The following ZNF783 variants were observed in gnomAD, a reference collection of about 807,000 sequenced individuals.
ZNF783 encodes zinc finger protein 783, also known as protein ZNF783.
A neutral mutation model predicts 31.3 loss-of-function variants in ZNF783; 25 were observed. The ratio of observed to expected loss-of-function variants is 0.80; its 90% CI spans 0.58 to 1.11. The LOEUF (loss-of-function observed/expected upper bound fraction) is 1.11. Among genes scored for constraint, ZNF783 ranks in the 50% most tolerant of loss-of-function variants. ZNF783 has a pLI of 0.00. For synonymous variants in ZNF783, 369 were observed against 319.1 expected (o/e 1.16, Z -1.66); for missense variants, 797 against 760.0 (o/e 1.05, Z -0.57).
At chr7:149,272,625 G>A (rs1306127637) in intron 4 of ZNF783, among the ~76,000 whole-genome samples, 1 of 151,934 alleles carries the variant, frequency 6.6e-6, no homozygotes, top group African/African-American at 2.4e-5. Context: ...CATAGTAGGT[G>A]TGCATATTTA....
chr7:149,262,210 T>G lies in ZNF783; in HGVS notation c.-124T>G, dbSNP rs947363846. 2 of 911,222 alleles carry G rather than the reference T, an allele frequency of 2.2e-6. No individual in the cohort carries two copies. Among genetic ancestry groups the G allele is most frequent in the African/African-American group, 3.6e-5 (2 of 56,170 alleles). 56.4% of individuals were successfully genotyped at this position (911,222 alleles called of 1,614,324 possible). A position where few individuals can be genotyped will look rare whatever the true frequency, so the allele number is the denominator to read the frequency against. On this transcript the variant is annotated 5_prime_UTR_variant, in exon 1 of 6. Coordinates refer to ENST00000434415, the MANE Select transcript of ZNF783 (RefSeq NM_001195220.2). Reference sequence around the variant, plus strand: ...GCACGTGGCTCGGGACGCAGTTCGCTGCCGCCCGGCAGTAGCTCTCAGGTT... The same window carrying G: ...GCACGTGGCTCGGGACGCAGTTCGCGGCCGCCCGGCAGTAGCTCTCAGGTT...
In ZNF783 at chr7:149,283,972, G is replaced by C. The variant is rs1055780649; in HGVS notation, c.*1629G>C. The C allele has an allele frequency of 9.9e-5, 15 of 152,204 alleles. No individual in the cohort carries two copies. The highest frequency in any genetic ancestry group is 3.6e-4 in the African/African-American group (15 of 41,444). The allele number at this position is 152,204 out of a possible 1,614,324, so 9.4% of individuals were successfully genotyped here. ...GTGAAAGAGTCGCCCATGGGGCTCT[G>C]TTCCCCAGGAGTCCTTTGTATTTTG... is the stretch of plus-strand genomic sequence containing the variant. On this transcript the variant is annotated 3_prime_UTR_variant, in exon 6 of 6. Coordinates refer to ENST00000434415, the MANE Select transcript of ZNF783 (RefSeq NM_001195220.2).
chr7:149,262,771 G>A (rs553233473), intron 1 of ZNF783, among the ~76,000 whole-genome samples: 1 of 152,372 alleles, frequency 6.6e-6, no homozygotes, highest in East Asian at 1.9e-4. Context: ...CCAGGGTCAC[G>A]CATCTATTAG....
chr7:149,266,203 C>T (rs1052605545), intron 1 of ZNF783, 132 bp from the exon 2 acceptor site: 38 of 1,057,752 alleles, frequency 3.6e-5, no homozygotes, highest in Non-Finnish European at 4.5e-5. Context: ...CTCTCCCCCC[C>T]AGTCTGCTGC....
At chr7:149,276,397 T>G (rs1797329646) in intron 4 of ZNF783, 3 of 987,852 alleles carry the variant, frequency 3.0e-6, no homozygotes, top group Non-Finnish European at 3.6e-6. Flanking sequence ...ACTGAAATTT[T>G]TAGGATCTGC....
At chr7:149,275,317 C>CT (rs563040835) in intron 4 of ZNF783, among the ~76,000 whole-genome samples, 5,242 of 137,636 alleles carry the variant, frequency 0.038, 160 homozygotes, top group African/African-American at 0.085. Context: ...GTTTTTCTTT[C>CT]TTTTTTTTTT....
Position 149,282,317 on chromosome 7 carries a change from T to G in ZNF783, c.1615T>G (p.Trp539Gly). Reference sequence around the variant, plus strand: ...CCGCCACGGGAGCCTGCCCCTGCCCTGGCCCAGCCGGAAGGAGGAGGGCTG... The same window carrying G: ...CCGCCACGGGAGCCTGCCCCTGCCCGGGCCCAGCCGGAAGGAGGAGGGCTG... ...PARHGSLPLP[W>G]PSRKEEG is the part of the protein sequence containing the mutation. Residue 539 changes from tryptophan to glycine, a missense_variant, in exon 6 of 6, where the codon TGG becomes GGG. Trp to Gly is a radical substitution (Grantham distance 184, BLOSUM62 -2). Coordinates refer to ENST00000434415, the MANE Select transcript of ZNF783 (RefSeq NM_001195220.2). 2 of 1,546,380 alleles carry G rather than the reference T, an allele frequency of 1.3e-6. No individual in the cohort carries two copies. The highest frequency in any genetic ancestry group is 2.4e-5 in the South Asian group (2 of 83,922).
chr7:149,280,280 A>G (rs1242071907), intron 5 of ZNF783, among the ~76,000 whole-genome samples: 2 of 152,186 alleles, frequency 1.3e-5, no homozygotes, highest in South Asian at 4.1e-4. Context: ...ATTAAGCCAG[A>G]AGGAGAGTCT....
Position 149,281,867 on chromosome 7 carries a change from G to C in ZNF783, c.1165G>C (p.Asp389His). 1 of 1,500,926 alleles carries C rather than the reference G, an allele frequency of 6.7e-7. No homozygotes were observed. Among genetic ancestry groups the C allele is most frequent in the Non-Finnish European group, 8.8e-7 (1 of 1,133,726 alleles). 93.0% of individuals were successfully genotyped at this position (1,500,926 alleles called of 1,614,324 possible). A position where few individuals can be genotyped will look rare whatever the true frequency, so the allele number is the denominator to read the frequency against. The change falls in exon 6 of 6, where the codon GAC (aspartate) becomes CAC (histidine). Residue 389 changes from aspartate (D) to histidine (H), a missense_variant. By Grantham distance (81) the Asp-to-His change is moderately conservative. Coordinates refer to ENST00000434415, the MANE Select transcript of ZNF783 (RefSeq NM_001195220.2). ...APGRSPTSCG[D>H]SQAMLEPGEV... The stretch of plus-strand genomic sequence containing the variant: ...CGGCCGCTCGCCCACCAGCTGCGGG[G>C]ACAGCCAGGCCATGCTGGAGCCGGG...
intron 2 of ZNF783, 34 bp downstream of exon 2, chr7:149,266,764 G>A (rs377729887): frequency 8.1e-6 from 13 of 1,613,506 alleles, no homozygotes; most frequent in Admixed American, 3.3e-5. Context: ...GGGGGAGCTC[G>A]AGGGGCTGAG....
Position 149,282,044 on chromosome 7 carries a change from C to T in ZNF783, c.1342C>T (p.Arg448Cys), listed in dbSNP as rs769073495. 1.9e-6 allele frequency: 3 copies of T among 1,592,106 alleles called. No individual in the cohort carries two copies. Among genetic ancestry groups the T allele is most frequent in the African/African-American group, 1.3e-5 (1 of 74,882 alleles). ...CSECLRFFQQ[R>C]KSLLLHQRLH... ...CGAGTGCCTGCGCTTCTTCCAGCAG[C>T]GCAAGAGCCTGCTGCTGCACCAGCG... Residue 448 changes from arginine to cysteine, a missense_variant, in exon 6 of 6, where the codon CGC (arginine) becomes TGC (cysteine). Transcript: ENST00000434415.
chr7:149,266,975 C>G lies in ZNF783; in HGVS notation c.547+30C>G, dbSNP rs746551312. On this transcript the variant is annotated intron_variant, in intron 3 of 5. Transcript: ENST00000434415. ...GGCCACGGAGGGAGGATCTGGGCCT[C>G]TGTCCACAGGTTGTCTGTGGACAGT... 10 of 1,613,992 alleles carry G rather than the reference C, an allele frequency of 6.2e-6. No homozygotes were observed. The South Asian group carries it at 9.9e-5, about 16-fold the overall frequency.
At chr7:149,268,402 C>T (rs1370241342) in intron 4 of ZNF783, among the ~76,000 whole-genome samples, 1 of 152,160 alleles carries the variant, frequency 6.6e-6, no homozygotes, top group African/African-American at 2.4e-5. Context: ...ACAATCCCCC[C>T]AGTCTTTTTC....
chr7:149,262,249 T>TCCGCTTCCGCC lies in ZNF783; in HGVS notation c.-84_-74dup. 2 of 1,247,194 alleles carry TCCGCTTCCGCC rather than the reference T, an allele frequency of 1.6e-6. No individual in the cohort carries two copies. The highest frequency in any genetic ancestry group is 2.0e-6 in the Non-Finnish European group (2 of 976,760). 77.3% of individuals were successfully genotyped at this position (1,247,194 alleles called of 1,614,324 possible). ...AGCTCTCAGGTTAGGCGGGTCCCGC[T>TCCGCTTCCGCC]CCGCTTCCGCCGTCGCTGCCGCGCC... is the stretch of plus-strand genomic sequence containing the variant. On this transcript the variant is annotated 5_prime_UTR_variant, in exon 1 of 6. Coordinates refer to ENST00000434415, the MANE Select transcript of ZNF783 (RefSeq NM_001195220.2).
chr7:149,267,366 C>A, intron 4 of ZNF783, 144 bp downstream of exon 4: 2 of 1,138,848 alleles, frequency 1.8e-6, no homozygotes, highest in Non-Finnish European at 2.4e-6. Flanking sequence ...CTGTACAAGG[C>A]CACCCTGGGC....
In ZNF783 at chr7:149,266,410, T is replaced by C. The variant is rs539952228; in HGVS notation, c.100T>C (p.Ser34Pro). The C allele has an allele frequency of 7.9e-5, 126 of 1,601,076 alleles. No homozygotes were observed. In the East Asian group the frequency reaches 2.3e-3, roughly 29 times the overall value. The change falls in exon 2 of 6, where the codon TCG becomes CCG. Residue 34 changes from serine (S) to proline (P), a missense_variant. Coordinates refer to ENST00000434415, the MANE Select transcript of ZNF783 (RefSeq NM_001195220.2). ...PLPQPAAEKNSYLYSTEITLW... is the reference protein window; with the variant it reads ...PLPQPAAEKNPYLYSTEITLW... ...GCCCCAGCCAGCTGCTGAGAAGAAC[T>C]CGTACCTCTACTCCACGGAAATCAC...
intron 4 of ZNF783, among the ~76,000 whole-genome samples, chr7:149,271,189 C>T (rs992882469): frequency 3.9e-5 from 6 of 152,212 alleles, no homozygotes; most frequent in African/African-American, 9.6e-5. Flanking sequence ...CTGCCTGCCT[C>T]GGCCTTCCAA....
chr7:149,262,481 G>C, intron 1 of ZNF783, 124 bp downstream of exon 1: 1 of 830,426 alleles, frequency 1.2e-6, no homozygotes, highest in Non-Finnish European at 1.6e-6. Context: ...CTCCGCGCTC[G>C]TTGCCCCCGG....
chr7:149,262,449 G>T (rs1796948452), intron 1 of ZNF783, 92 bp downstream of exon 1: 3 of 1,051,618 alleles, frequency 2.9e-6, no homozygotes, highest in African/African-American at 3.4e-5. Flanking sequence ...AGGCCGCGGG[G>T]TGAGAGGGCC....
Sources: gnomAD v4.1 joint callset for allele counts (sites outside exome capture counted in the v4.1 genomes callset) on GRCh38, gnomAD v4.1.1 for gene constraint, MANE v1.5 for transcripts, NCBI Gene and HGNC (gene_info 2026-07-23, HGNC 2026-07-21) for gene names.